The following DTX4 variants were observed in gnomAD, a reference collection of about 807,000 sequenced individuals.
DTX4 encodes deltex E3 ubiquitin ligase 4.
DTX4 carries 28 observed loss-of-function variants against 57.6 expected under a neutral mutation model. The ratio of observed to expected loss-of-function variants is 0.49; its 90% CI spans 0.36 to 0.67. The LOEUF is 0.67. DTX4 is among the 30% of genes least tolerant of loss of function. The pLI, the probability that DTX4 is intolerant of heterozygous loss-of-function variation, is 0.00. For missense variants in DTX4, 715 were observed against 836.8 expected (o/e 0.85, Z 1.80); for synonymous variants, 316 against 331.0 (o/e 0.95, Z 0.49).
At chr11:59,187,592 C>T (rs965960588) in intron 2 of DTX4, among the ~76,000 whole-genome samples, 1 of 152,358 alleles carries the variant, frequency 6.6e-6, no homozygotes, top group Non-Finnish European at 1.5e-5. Flanking sequence ...CTTGCTTTCC[C>T]AGCACCATCC....
At position 59,182,482 on chromosome 11, in the gene DTX4, C is replaced by T; in HGVS notation, c.935+20C>T. ...CTCTGGGTAAGTGCTTCCACAGCTG[C>T]CTCAGAGCATTTACTCAGGGTAGAG... On this transcript the variant is annotated intron_variant, in intron 2 of 8. Coordinates refer to ENST00000227451, the MANE Select transcript of DTX4 (RefSeq NM_015177.2). 1.3e-6 allele frequency: 2 copies of T among 1,573,118 alleles called. No individual in the cohort carries two copies. The highest frequency in any genetic ancestry group is 1.7e-6 in the Non-Finnish European group (2 of 1,158,418).
rs537748313 is a variant in DTX4, at chr11:59,206,557, G to T, written c.*1648G>T. 2.0e-5 allele frequency: 3 copies of T among 148,762 alleles called. No individual in the cohort carries two copies. The highest frequency in any genetic ancestry group is 6.7e-5 in the Admixed American group (1 of 15,004). The allele number at this position is 148,762 out of a possible 1,614,324, so 9.2% of individuals were successfully genotyped here. On this transcript the variant is annotated 3_prime_UTR_variant, in exon 9 of 9. Coordinates refer to ENST00000227451, the MANE Select transcript of DTX4 (RefSeq NM_015177.2). ...CATATATATTTCATAATATTTGGAA[G>T]GTTTTTGATGCTAGAAAAATGGAAA...
At position 59,174,501 on chromosome 11, in the gene DTX4, G is replaced by GAAA. The variant is rs71036507; in HGVS notation, c.211+1705_211+1707dup. Among the ~76,000 whole-genome samples the GAAA allele has an allele frequency of 1.7e-5, 2 of 118,056 alleles. 1 individual carries two copies. Among genetic ancestry groups the GAAA allele is most frequent in the African/African-American group, 7.7e-5 (2 of 25,878 alleles). The allele number at this position is 118,056 out of a possible 152,430, so 77.4% of individuals were successfully genotyped here. ...CATCTGACAGGGGATTCCAGTCCTG[G>GAAA]AAAAAAAAAAAAGCAGGTGTTACCT... On this transcript the variant is annotated intron_variant, in intron 1 of 8. Transcript: ENST00000227451.
chr11:59,189,374 A>G, intron 4 of DTX4, 51 bp downstream of exon 4: 1 of 1,476,888 alleles, frequency 6.8e-7, no homozygotes, highest in African/African-American at 1.4e-5. Flanking sequence ...CTTGGCTGTC[A>G]GCCCTGAGTC....
In DTX4 at chr11:59,195,989, C is replaced by G. The variant is rs536327838; in HGVS notation, c.1536+620C>G. 3.3e-4 allele frequency among the ~76,000 whole-genome samples: 51 copies of G among 152,326 alleles called. No individual in the cohort carries two copies. The South Asian group carries it at 1.0e-2, about 30-fold the overall frequency. On this transcript the variant is annotated intron_variant, in intron 7 of 8. Coordinates refer to ENST00000227451, the MANE Select transcript of DTX4 (RefSeq NM_015177.2). ...CTCTTTTGATTCTCTGAAAGACAGT[C>G]CTGAAGAACAAATCTGAACACTATT... is the stretch of plus-strand genomic sequence containing the variant.
rs779035023 is a variant in DTX4 at position 59,181,794 on chromosome 11, G to A, written c.267G>A (p.Lys89=). 24 of 1,613,726 alleles carry A rather than the reference G, an allele frequency of 1.5e-5. No homozygotes were observed. The South Asian group carries it at 2.2e-4, about 15-fold the overall frequency. Residue 89 remains lysine (K), a synonymous_variant, in exon 2 of 9, where the codon AAG becomes AAA. Transcript: ENST00000227451. ...ACGACCCCTCCTCGGCCCCTGGGAA[G>A]GGCGTGGTGTGGGAGTGGGAGAACG... ...NYYDPSSAPG[K]GVVWEWENDN...
intron 4 of DTX4, 99 bp downstream of exon 4, chr11:59,189,422 C>T: frequency 1.6e-6 from 2 of 1,216,178 alleles, no homozygotes; most frequent in Non-Finnish European, 2.3e-6. Context: ...CGGCTTCACC[C>T]TCTGTGCCTC....
At position 59,182,430 on chromosome 11, in the gene DTX4, C is replaced by T; in HGVS notation, c.903C>T (p.Ala301=). The change falls in exon 2 of 9, where the codon GCC becomes GCT. Residue 301 remains alanine (A), a synonymous_variant. Transcript: ENST00000227451. ...ATCGTACCAACCTGCAGCGACTGGC[C>T]ATTGCCCAGTCCCGGGTGCTGATCG... ...TLNRTNLQRL[A]IAQSRVLIAS... The T allele has an allele frequency of 6.2e-7, 1 of 1,611,760 alleles. No homozygotes were observed. The highest frequency in any genetic ancestry group is 8.5e-7 in the Non-Finnish European group (1 of 1,178,888).
intron 2 of DTX4, among the ~76,000 whole-genome samples, chr11:59,187,833 A>G (rs972584408): frequency 2.0e-5 from 3 of 152,186 alleles, no homozygotes; most frequent in Non-Finnish European, 4.4e-5. Flanking sequence ...GTTGCTGGGG[A>G]GAAGGACAGA....
At chr11:59,191,056 A>T in intron 4 of DTX4, 58 bp from the exon 5 acceptor site, 2 of 1,511,752 alleles carry the variant, frequency 1.3e-6, no homozygotes, top group Non-Finnish European at 1.8e-6. Flanking sequence ...TAGCACGACA[A>T]GGCTGTTTGA....
chr11:59,188,872 A>G, intron 3 of DTX4, 76 bp downstream of exon 3: 1 of 1,346,498 alleles, frequency 7.4e-7, no homozygotes, highest in Non-Finnish European at 1.0e-6. Context: ...GCATTTGTGG[A>G]AAAAAAGGAG....
intron 1 of DTX4, among the ~76,000 whole-genome samples, chr11:59,173,812 C>T (rs944648622): frequency 6.6e-6 from 1 of 152,172 alleles, no homozygotes; most frequent in African/African-American, 2.4e-5. Context: ...CAAGGGAGAG[C>T]AAAACTGCCT....
At chr11:59,204,506 G>C (rs1030251538) in intron 8 of DTX4, among the ~76,000 whole-genome samples, 170 bp from the exon 9 acceptor site, 4 of 152,192 alleles carry the variant, frequency 2.6e-5, no homozygotes, top group African/African-American at 4.8e-5. Context: ...CCAGGACTCA[G>C]CCTGTAGCTC....
chr11:59,198,159 G>A lies in DTX4; in HGVS notation c.1537-1525G>A, dbSNP rs61410587. The stretch of plus-strand genomic sequence containing the variant: ...TTCACTGCAGAGAACTATTCCCTTG[G>A]GGAGAAACTCTGGGTTGGGCTGAGG... On this transcript the variant is annotated intron_variant, in intron 7 of 8. Coordinates refer to ENST00000227451, the MANE Select transcript of DTX4 (RefSeq NM_015177.2). Among the ~76,000 whole-genome samples the A allele has an allele frequency of 6.5e-3, 986 of 152,294 alleles. 13 individuals are homozygous for A. The highest frequency in any genetic ancestry group is 0.022 in the African/African-American group (911 of 41,572).
At chr11:59,193,491 A>C (rs542213902) in intron 6 of DTX4, among the ~76,000 whole-genome samples, 23 of 152,256 alleles carry the variant, frequency 1.5e-4, no homozygotes, top group Non-Finnish European at 3.1e-4. Context: ...ACCCTGGGCT[A>C]AAAGGATTCA....
upstream of DTX4, among the ~76,000 whole-genome samples, chr11:59,171,691 G>C (rs1565213754): frequency 6.6e-6 from 1 of 152,140 alleles, no homozygotes; most frequent in African/African-American, 2.4e-5. Context: ...GAGAGGATGA[G>C]GTAATAGGAG....
intron 1 of DTX4, among the ~76,000 whole-genome samples, chr11:59,176,214 C>T (rs554494154): frequency 7.4e-4 from 113 of 152,326 alleles, no homozygotes; most frequent in African/African-American, 2.6e-3. Flanking sequence ...GTGGAGGAGG[C>T]AGGCATCATG....
At chr11:59,191,266 G>C (rs1227102246) in intron 5 of DTX4, 91 bp downstream of exon 5, 4 of 1,327,714 alleles carry the variant, frequency 3.0e-6, no homozygotes, top group South Asian at 2.6e-5. Flanking sequence ...ATATGGCGGG[G>C]GCTGCATTCC....
rs369979555 is a variant in DTX4 at position 59,192,088 on chromosome 11, C to T, written c.1222-10C>T. On this transcript the variant is annotated splice_polypyrimidine_tract_variant and intron_variant, in intron 5 of 8. Transcript: ENST00000227451. Reference sequence around the variant, plus strand: ...TGACAGCCTCTCTGCTGTGTCTCCTCCCTCCCCAGGACTGCACCATCTGTA... The same window carrying T: ...TGACAGCCTCTCTGCTGTGTCTCCTTCCTCCCCAGGACTGCACCATCTGTA... 3.1e-6 allele frequency: 5 copies of T among 1,607,968 alleles called. No individual in the cohort carries two copies. Among genetic ancestry groups the T allele is most frequent in the South Asian group, 1.1e-5 (1 of 90,946 alleles).
Sources: allele counts gnomAD v4.1 joint callset (sites outside exome capture counted in the v4.1 genomes callset), GRCh38; gene constraint gnomAD v4.1.1; transcripts MANE v1.5; gene names NCBI Gene and HGNC (gene_info 2026-07-23, HGNC 2026-07-21).